Variants in LRP1B observed in about 807,000 individuals in gnomAD.
LRP1B encodes the protein low-density lipoprotein receptor-related protein 1B.
In LRP1B, 217 loss-of-function variants were observed where a neutral mutation model predicts 556.6. The ratio of observed to expected loss-of-function variants is 0.39; its 90% CI spans 0.35 to 0.44. The LOEUF (loss-of-function observed/expected upper bound fraction) is 0.44, where lower values mean the gene tolerates loss of function less well. LRP1B is among the 20% of genes least tolerant of loss of function. LRP1B has a pLI of 1.00. For synonymous variants in LRP1B, 2,047 were observed against 1,865.8 expected (o/e 1.10, Z -2.50); for missense variants, 5,053 against 5,620.8 (o/e 0.90, Z 3.23).
intron 2 of LRP1B, among the ~76,000 whole-genome samples, chr2:141,721,688 A>T (rs1692820851): frequency 6.6e-6 from 1 of 152,210 alleles, no homozygotes; most frequent in African/African-American, 2.4e-5. Flanking sequence ...AAGCAAAACG[A>T]TATACTTGTT....
intron 77 of LRP1B, among the ~76,000 whole-genome samples, chr2:140,346,834 C>G (rs1009265701): frequency 6.6e-6 from 1 of 151,674 alleles, no homozygotes; most frequent in Non-Finnish European, 1.5e-5. Context: ...TTGCTAAAAG[C>G]TTTTTGGGAA....
chr2:141,532,889 G>A (rs922453136), intron 2 of LRP1B, among the ~76,000 whole-genome samples: 1 of 152,128 alleles, frequency 6.6e-6, no homozygotes, highest in African/African-American at 2.4e-5. Context: ...GGGAGGCTGA[G>A]GCAGGAGAAT....
intron 1 of LRP1B, among the ~76,000 whole-genome samples, chr2:142,027,283 A>G (rs967054801): frequency 2.0e-5 from 3 of 151,378 alleles, no homozygotes; most frequent in Non-Finnish European, 2.9e-5. Context: ...TAAATAAAGA[A>G]ATTCTGATTT....
chr2:142,115,554 T>TATG (rs1559079668), intron 1 of LRP1B, among the ~76,000 whole-genome samples: 1 of 20,156 alleles, frequency 5.0e-5, no homozygotes, highest in Non-Finnish European at 1.2e-4. Context: ...AATATATATA[T>TATG]TATATATGTA....
At chr2:141,829,285 C>T (rs352981) in intron 1 of LRP1B, among the ~76,000 whole-genome samples, 106,986 of 151,854 alleles carry the variant, frequency 0.7, 38,197 homozygotes, top group African/African-American at 0.82. Context: ...ATTTCTCTCA[C>T]TTCCACATGA....
At chr2:140,840,825 T>C in intron 30 of LRP1B, 93 bp downstream of exon 30, 3 of 930,604 alleles carry the variant, frequency 3.2e-6, no homozygotes, top group Non-Finnish European at 4.8e-6. Context: ...CTGTTATATA[T>C]ATATCCTCTG....
intron 1 of LRP1B, among the ~76,000 whole-genome samples, chr2:141,813,707 T>C (rs1190786581): frequency 1.3e-5 from 2 of 152,156 alleles, no homozygotes; most frequent in South Asian, 2.1e-4. Context: ...TTACAGCTCA[T>C]TGACTCCTGC....
At chr2:141,082,581 G>A (rs541618520) in intron 7 of LRP1B, among the ~76,000 whole-genome samples, 1 of 152,282 alleles carries the variant, frequency 6.6e-6, no homozygotes, top group East Asian at 1.9e-4. Flanking sequence ...CTCTTATCGT[G>A]GAGAATTTGT....
chr2:140,724,221 A>C (rs1687511645), intron 35 of LRP1B, among the ~76,000 whole-genome samples: 1 of 152,214 alleles, frequency 6.6e-6, no homozygotes, highest in African/African-American at 2.4e-5. Flanking sequence ...ACAGTGGCTC[A>C]AGCCTGCAAT....
intron 2 of LRP1B, among the ~76,000 whole-genome samples, chr2:141,526,893 G>C (rs948108077): frequency 2.6e-5 from 4 of 152,100 alleles, no homozygotes; most frequent in Non-Finnish European, 5.9e-5. Flanking sequence ...GTGTTGCCAT[G>C]TGTATGTGTA....
chr2:140,359,812 C>CTT (rs1558828007), intron 72 of LRP1B, among the ~76,000 whole-genome samples: 1 of 151,582 alleles, frequency 6.6e-6, no homozygotes, highest in Non-Finnish European at 1.5e-5. Flanking sequence ...TCACTCAGCT[C>CTT]TTTATCATCT....
chr2:140,915,984 C>T (rs559425650), intron 21 of LRP1B, among the ~76,000 whole-genome samples: 4 of 151,964 alleles, frequency 2.6e-5, no homozygotes, highest in East Asian at 3.9e-4. Flanking sequence ...GCCGAGATCT[C>T]GCCACTGCAC....
chr2:140,800,550 G>A (rs1440855234), intron 32 of LRP1B, among the ~76,000 whole-genome samples: 2 of 152,078 alleles, frequency 1.3e-5, no homozygotes, highest in South Asian at 2.1e-4. Flanking sequence ...GTATAGAATT[G>A]TAAATTAAAT....
At chr2:141,160,450 T>C (rs933099824) in intron 7 of LRP1B, among the ~76,000 whole-genome samples, 24 of 152,036 alleles carry the variant, frequency 1.6e-4, no homozygotes, top group African/African-American at 5.6e-4. Flanking sequence ...CAAAAACCTA[T>C]AGACAGATTT....
At chr2:141,823,281 C>G (rs1696813793) in intron 1 of LRP1B, among the ~76,000 whole-genome samples, 1 of 152,134 alleles carries the variant, frequency 6.6e-6, no homozygotes, top group South Asian at 2.1e-4. Context: ...CTGCATTGCT[C>G]TAGATTGTGA....
chr2:141,113,107 A>G (rs868552699), intron 7 of LRP1B, among the ~76,000 whole-genome samples: 1 of 152,302 alleles, frequency 6.6e-6, no homozygotes, highest in African/African-American at 2.4e-5. Flanking sequence ...TTTTATTCCT[A>G]AAAGAAACAA....
rs1458767366 is a variant in LRP1B, at chr2:140,664,027, A to C, written c.6799+36223T>G. ...CAGGGAAGGACCGGCTGGTGGACCAATAAGAACACACACTGTATTTCTGAC... is the reference window on the plus strand; with the variant it reads ...CAGGGAAGGACCGGCTGGTGGACCACTAAGAACACACACTGTATTTCTGAC... On this transcript the variant is annotated intron_variant, in intron 41 of 90. Transcript: ENST00000389484. Among the ~76,000 whole-genome samples the C allele has an allele frequency of 2.6e-5, 4 of 152,204 alleles. No homozygotes were observed. The East Asian group carries it at 7.7e-4, about 29-fold the overall frequency.
chr2:140,880,379 G>A (rs1427575261), intron 25 of LRP1B, among the ~76,000 whole-genome samples: 1 of 152,104 alleles, frequency 6.6e-6, no homozygotes, highest in African/African-American at 2.4e-5. Flanking sequence ...GGTCACCTTA[G>A]CAATAAGTGT....
At chr2:140,259,598 C>G (rs1045052409) in intron 86 of LRP1B, among the ~76,000 whole-genome samples, 2 of 151,968 alleles carry the variant, frequency 1.3e-5, no homozygotes, top group Non-Finnish European at 2.9e-5. Context: ...CTGCCGTACT[C>G]CATAATACAA....
Sources: gnomAD v4.1 joint callset for allele counts (sites outside exome capture counted in the v4.1 genomes callset) on GRCh38, gnomAD v4.1.1 for gene constraint, MANE v1.5 for transcripts, NCBI Gene and HGNC (gene_info 2026-07-23, HGNC 2026-07-21) for gene names.